The following KANSL1L variants were observed in gnomAD, a reference collection of about 807,000 sequenced individuals.
KANSL1L encodes KAT8 regulatory NSL complex subunit 1-like protein.
In KANSL1L, 25 loss-of-function variants were observed where a neutral mutation model predicts 108.6. The ratio of observed to expected loss-of-function variants is 0.23; its 90% CI spans 0.17 to 0.32. The LOEUF is 0.32. Ranked by LOEUF, KANSL1L falls within the 10% of genes least tolerant of loss-of-function variation. The pLI is 1.00. For synonymous variants in KANSL1L, 405 were observed against 395.1 expected, an observed-to-expected ratio of 1.03 and a Z score of -0.30; for missense variants, 1,137 against 1,125.7, an observed-to-expected ratio of 1.01 and a Z score of -0.14.
intron 3 of KANSL1L, among the ~76,000 whole-genome samples, chr2:210,122,085 T>C (rs1237083003): frequency 1.3e-5 from 2 of 152,196 alleles, no homozygotes; most frequent in South Asian, 2.1e-4. Flanking sequence ...GAAGAATTAA[T>C]ATTGTTAAAA....
chr2:210,121,795 A>G (rs191909859), intron 3 of KANSL1L, among the ~76,000 whole-genome samples: 2 of 152,336 alleles, frequency 1.3e-5, no homozygotes, highest in East Asian at 3.9e-4. Context: ...AAAAATCTAC[A>G]GACTCCACTA....
intron 2 of KANSL1L, among the ~76,000 whole-genome samples, chr2:210,151,241 G>C (rs1456256436): frequency 1.3e-5 from 2 of 152,000 alleles, no homozygotes; most frequent in Non-Finnish European, 2.9e-5. Context: ...GGCTGGTCTC[G>C]AACTTCTGGG....
At chr2:210,147,216 T>C (rs1279850279) in intron 2 of KANSL1L, among the ~76,000 whole-genome samples, 1 of 152,244 alleles carries the variant, frequency 6.6e-6, no homozygotes, top group African/African-American at 2.4e-5. Flanking sequence ...TACCAGCAAT[T>C]TGGGAGGCCA....
chr2:210,109,217 G>A (rs747840549), intron 3 of KANSL1L, among the ~76,000 whole-genome samples: 7 of 152,070 alleles, frequency 4.6e-5, no homozygotes, highest in East Asian at 1.9e-4. Context: ...AGGTATTACC[G>A]AATATATTAC....
intron 5 of KANSL1L, chr2:210,079,674 G>GTATA (rs1208859670): frequency 2.5e-4 from 4 of 15,862 alleles, no homozygotes; most frequent in African/African-American, 4.5e-4. Flanking sequence ...ATGTATGTGT[G>GTATA]TATATATATA....
rs748952844 is a variant in KANSL1L, at chr2:210,075,633, T to G, written c.1674A>C (p.Thr558=). 5 of 1,614,026 alleles carry G rather than the reference T, an allele frequency of 3.1e-6. No individual in the cohort carries two copies. The highest frequency in any genetic ancestry group is 1.1e-5 in the South Asian group (1 of 91,082). The change falls in exon 6 of 15, where the codon ACA becomes ACC. Residue 558 remains threonine, a synonymous_variant. Coordinates refer to ENST00000281772, the MANE Select transcript of KANSL1L (RefSeq NM_152519.4). ...TCTGAAGTGGCCTTGTTCGGGCTGATGTACTCATGAAAGTCAAGGATGAAG... is the reference window on the plus strand; with the variant it reads ...TCTGAAGTGGCCTTGTTCGGGCTGAGGTACTCATGAAAGTCAAGGATGAAG... ...LKSSSLTFMS[T]SARTRPLQSF... is the part of the protein sequence containing the mutation.
intron 2 of KANSL1L, among the ~76,000 whole-genome samples, chr2:210,149,381 T>C (rs555498096): frequency 6.6e-6 from 1 of 152,282 alleles, no homozygotes; most frequent in East Asian, 1.9e-4. Flanking sequence ...TTTACTACTC[T>C]GGACTTATAA....
intron 2 of KANSL1L, among the ~76,000 whole-genome samples, chr2:210,144,837 C>T (rs1559599495): frequency 6.6e-6 from 1 of 152,104 alleles, no homozygotes; most frequent in Non-Finnish European, 1.5e-5. Context: ...GGATTAGTTC[C>T]TGGAAAAGTA....
intron 3 of KANSL1L, among the ~76,000 whole-genome samples, chr2:210,121,528 G>A (rs745751014): frequency 6.6e-6 from 1 of 152,058 alleles, no homozygotes; most frequent in Non-Finnish European, 1.5e-5. Flanking sequence ...AGAGGATCAG[G>A]AAAAACAACT....
Position 210,096,915 on chromosome 2 carries a change from C to T in KANSL1L, c.1550+1171G>A, listed in dbSNP as rs533562327. The T allele has an allele frequency of 1.9e-5, 6 of 315,006 alleles. No homozygotes were observed. The Middle Eastern group carries it at 5.0e-3, about 260-fold the overall frequency. 19.5% of individuals were successfully genotyped at this position (315,006 alleles called of 1,614,324 possible). ...AAAATAACCAATTAGAAATAAAAATCAAATGTCAGCTTTTTATTTTTTATT... is the reference window on the plus strand; with the variant it reads ...AAAATAACCAATTAGAAATAAAAATTAAATGTCAGCTTTTTATTTTTTATT... On this transcript the variant is annotated intron_variant, in intron 5 of 14. Transcript: ENST00000281772.
At chr2:210,065,245 C>G (rs1436483936) in intron 6 of KANSL1L, among the ~76,000 whole-genome samples, 1 of 122,728 alleles carries the variant, frequency 8.1e-6, no homozygotes, top group Admixed American at 1.1e-4. Context: ...GAGCCGAGAT[C>G]GCACCACTGT....
At chr2:210,093,537 A>G (rs1437238797) in intron 5 of KANSL1L, among the ~76,000 whole-genome samples, 1 of 152,112 alleles carries the variant, frequency 6.6e-6, no homozygotes, top group African/African-American at 2.4e-5. Flanking sequence ...TTCCCCCAAA[A>G]GATATCAAAA....
chr2:210,096,659 C>T (rs968157524), intron 5 of KANSL1L: 2 of 983,564 alleles, frequency 2.0e-6, no homozygotes, highest in Non-Finnish European at 2.4e-6. Context: ...ATACATTCAC[C>T]TACATTATGA....
At chr2:210,061,536 T>G (rs1266172119) in intron 6 of KANSL1L, among the ~76,000 whole-genome samples, 1 of 152,250 alleles carries the variant, frequency 6.6e-6, no homozygotes, top group Non-Finnish European at 1.5e-5. Flanking sequence ...ATTTATATTT[T>G]AAGAATTATA....
intron 5 of KANSL1L, 133 bp downstream of exon 5, chr2:210,097,953 T>C (rs1276248156): frequency 1.9e-6 from 1 of 531,706 alleles, no homozygotes; most frequent in Non-Finnish European, 3.2e-6. Flanking sequence ...ATCCATGGTA[T>C]ATTGATTGTA....
At chr2:210,165,646 G>A (rs182695254) in intron 1 of KANSL1L, among the ~76,000 whole-genome samples, 1 of 152,210 alleles carries the variant, frequency 6.6e-6, no homozygotes, top group Non-Finnish European at 1.5e-5. Context: ...ATAAAATTAA[G>A]TTAATCTGAT....
In KANSL1L at chr2:210,171,298, CG is replaced by C. The variant is rs1688322998; in HGVS notation, c.-180del. On this transcript the variant is annotated 5_prime_UTR_variant, in exon 1 of 15. Coordinates refer to ENST00000281772, the MANE Select transcript of KANSL1L (RefSeq NM_152519.4). ...GAGCGCGCCCCGCTCCCGCCCCGGC[CG>C]CCGCCGCCGCCGCCGCCGCCGCCGC... is the stretch of plus-strand genomic sequence containing the variant. The C allele has an allele frequency of 0.021, 1 of 48 alleles. No individual in the cohort carries two copies. Among genetic ancestry groups the C allele is most frequent in the Non-Finnish European group, 0.056 (1 of 18 alleles). The allele number at this position is 48 out of a possible 1,614,324, so 0.0% of individuals were successfully genotyped here.
chr2:210,102,411 G>T (rs2094802716), intron 4 of KANSL1L, among the ~76,000 whole-genome samples: 1 of 152,110 alleles, frequency 6.6e-6, no homozygotes, highest in Admixed American at 6.5e-5. Context: ...CATGGGCAAG[G>T]ACTTCATGTC....
Position 210,098,150 on chromosome 2 carries a change from T to G in KANSL1L, c.1486A>C (p.Thr496Pro), listed in dbSNP as rs1384791707. 5 of 1,612,402 alleles carry G rather than the reference T, an allele frequency of 3.1e-6. No homozygotes were observed. In the South Asian group the frequency reaches 4.4e-5, roughly 14 times the overall value. ...SLIAPLNLSPTSSPLSSKSCS... is the reference protein window; with the variant it reads ...SLIAPLNLSPPSSPLSSKSCS... ...GATTTGGAAGAGAGGGGTGATGAAGTTGGGGACAAGTTGAGAGGGGCAATC... is the reference window on the plus strand; with the variant it reads ...GATTTGGAAGAGAGGGGTGATGAAGGTGGGGACAAGTTGAGAGGGGCAATC... Residue 496 changes from threonine (T) to proline (P), a missense_variant, in exon 5 of 15, where the codon ACT becomes CCT. Around this residue, in one of 3 missense-constraint regions of KANSL1L, gnomAD observed 575 missense variants for 567.1 expected, o/e 1.01. Transcript: ENST00000281772.
Sources: allele counts gnomAD v4.1 joint callset (sites outside exome capture counted in the v4.1 genomes callset), GRCh38; gene constraint gnomAD v4.1.1; regional missense constraint gnomAD v4.1.1; transcripts MANE v1.5; gene names NCBI Gene and HGNC (gene_info 2026-07-23, HGNC 2026-07-21).